CDH13: variants seen among roughly 807,000 people sequenced by gnomAD.
CDH13 encodes cadherin-13.
In CDH13, 24 loss-of-function variants were observed where a neutral mutation model predicts 63.8. The ratio of observed to expected loss-of-function variants is 0.38; its 90% confidence interval spans 0.27 to 0.53. The LOEUF (loss-of-function observed/expected upper bound fraction) is 0.53, where lower values mean the gene tolerates loss of function less well. Among genes scored for constraint, CDH13 ranks in the 20% least tolerant of loss-of-function variants. CDH13 has a pLI of 0.85. For synonymous variants in CDH13, 503 were observed against 355.3 expected (o/e 1.42, Z -4.67); for missense variants, 1,049 against 903.1 (o/e 1.16, Z -2.07).
chr16:83,498,799 T>C (rs1005585129), intron 7 of CDH13, among the ~76,000 whole-genome samples: 4 of 152,240 alleles, frequency 2.6e-5, no homozygotes, highest in Non-Finnish European at 5.9e-5. Context: ...CAGTGAAGTT[T>C]TGGTGGAACT....
At chr16:82,911,843 T>A (rs2041841558) in intron 2 of CDH13, among the ~76,000 whole-genome samples, 1 of 151,968 alleles carries the variant, frequency 6.6e-6, no homozygotes, top group Non-Finnish European at 1.5e-5. Context: ...GCCCCGTGAG[T>A]GGCTGTTTTG....
At chr16:83,715,263 C>T (rs919818371) in intron 10 of CDH13, among the ~76,000 whole-genome samples, 1 of 152,174 alleles carries the variant, frequency 6.6e-6, no homozygotes, top group Admixed American at 6.5e-5. Context: ...AGTCTATTTT[C>T]CCATCAGAGG....
At chr16:83,445,923 C>T (rs1198419487) in intron 6 of CDH13, among the ~76,000 whole-genome samples, 1 of 152,150 alleles carries the variant, frequency 6.6e-6, no homozygotes, top group Admixed American at 6.5e-5. Context: ...CTTTGTGCCT[C>T]TTGACTCAAA....
intron 11 of CDH13, among the ~76,000 whole-genome samples, chr16:83,778,399 G>A (rs1915269404): frequency 6.6e-6 from 1 of 151,990 alleles, no homozygotes; most frequent in Non-Finnish European, 1.5e-5. Context: ...ACATTGTGTT[G>A]CACACCTGTA....
intron 4 of CDH13, among the ~76,000 whole-genome samples, chr16:83,130,492 G>A (rs1302394924): frequency 3.9e-5 from 6 of 152,154 alleles, no homozygotes; most frequent in African/African-American, 1.4e-4. Context: ...TCTTGGCAAT[G>A]CACTCAAAAA....
At chr16:83,426,626 G>C (rs796129900) in intron 6 of CDH13, among the ~76,000 whole-genome samples, 7 of 152,112 alleles carry the variant, frequency 4.6e-5, no homozygotes, top group South Asian at 4.2e-4. Flanking sequence ...ACTGGAAGAG[G>C]GGAATCCAAC....
intron 6 of CDH13, among the ~76,000 whole-genome samples, chr16:83,459,130 A>C (rs957602949): frequency 6.6e-6 from 1 of 152,256 alleles, no homozygotes; most frequent in Non-Finnish European, 1.5e-5. Flanking sequence ...GCAAAATTAT[A>C]TATGAGCTTC....
chr16:82,901,859 C>G (rs980605261), intron 2 of CDH13, among the ~76,000 whole-genome samples: 1 of 152,214 alleles, frequency 6.6e-6, no homozygotes, highest in Non-Finnish European at 1.5e-5. Context: ...TGTAGGACAC[C>G]ATTTCCATGC....
chr16:82,663,633 T>G (rs1425154240), intron 1 of CDH13, among the ~76,000 whole-genome samples: 1 of 152,226 alleles, frequency 6.6e-6, no homozygotes, highest in East Asian at 1.9e-4. Context: ...TTTGGCCGCT[T>G]CTTCAGACAT....
intron 2 of CDH13, among the ~76,000 whole-genome samples, chr16:82,973,329 C>T (rs896149334): frequency 2.0e-5 from 3 of 152,176 alleles, no homozygotes; most frequent in Admixed American, 2.0e-4. Context: ...TCAGGCTTTA[C>T]GATTCAACTT....
intron 4 of CDH13, among the ~76,000 whole-genome samples, chr16:83,138,456 G>C (rs2036392812): frequency 6.6e-6 from 1 of 152,206 alleles, no homozygotes; most frequent in East Asian, 1.9e-4. Flanking sequence ...ACGCGAAGCT[G>C]AGATGGGAAG....
chr16:83,611,851 A>G (rs12102997), intron 8 of CDH13, among the ~76,000 whole-genome samples: 12,199 of 152,028 alleles, frequency 0.08, 953 homozygotes, highest in African/African-American at 0.2. Flanking sequence ...ATTAATTTCT[A>G]TCTTAATTCT....
At chr16:82,665,861 T>C (rs1912522021) in intron 1 of CDH13, among the ~76,000 whole-genome samples, 1 of 152,136 alleles carries the variant, frequency 6.6e-6, no homozygotes. Context: ...CAAAGCCCAT[T>C]TTATAATGAA....
chr16:82,898,756 A>C (rs911710860), intron 2 of CDH13, among the ~76,000 whole-genome samples: 3 of 152,190 alleles, frequency 2.0e-5, no homozygotes, highest in African/African-American at 7.2e-5. Flanking sequence ...GAATGATGGA[A>C]GGGTGGAGTA....
intron 1 of CDH13, among the ~76,000 whole-genome samples, chr16:82,698,420 C>T: frequency 6.6e-6 from 1 of 152,212 alleles, no homozygotes; most frequent in East Asian, 1.9e-4. Flanking sequence ...CAGACAACTA[C>T]AAAACCTTGG....
chr16:82,707,257 A>G (rs2031567137), intron 1 of CDH13, among the ~76,000 whole-genome samples: 1 of 152,238 alleles, frequency 6.6e-6, no homozygotes, highest in African/African-American at 2.4e-5. Context: ...GGCTATGTAT[A>G]CAAAGCCAGC....
At chr16:83,347,441 G>A (rs1040513608) in intron 6 of CDH13, among the ~76,000 whole-genome samples, 1 of 152,128 alleles carries the variant, frequency 6.6e-6, no homozygotes, top group African/African-American at 2.4e-5. Flanking sequence ...AATAAAAGAT[G>A]GGAGTCAGTG....
At chr16:82,904,162 A>G (rs1012793583) in intron 2 of CDH13, among the ~76,000 whole-genome samples, 2 of 152,210 alleles carry the variant, frequency 1.3e-5, no homozygotes, top group African/African-American at 4.8e-5. Flanking sequence ...ATAACTTGGC[A>G]TCTTTTGTAA....
chr16:83,549,855 G>T (rs2150668458), intron 7 of CDH13, among the ~76,000 whole-genome samples: 1 of 152,284 alleles, frequency 6.6e-6, no homozygotes, highest in Admixed American at 6.5e-5. Context: ...ATTTGTAACT[G>T]TTGGTGGCAG....
Sources: gnomAD v4.1 joint callset for allele counts (sites outside exome capture counted in the v4.1 genomes callset) on GRCh38, gnomAD v4.1.1 for gene constraint, MANE v1.5 for transcripts, NCBI Gene and HGNC (gene_info 2026-07-23, HGNC 2026-07-21) for gene names.